Variants in CUX2 observed in about 807,000 individuals in gnomAD.
CUX2 encodes homeobox protein cut-like 2.
In CUX2, 40 loss-of-function variants were observed where a neutral mutation model predicts 144.8. The observed-to-expected ratio is 0.28, with a 90% confidence interval of 0.21 to 0.36. The LOEUF (loss-of-function observed/expected upper bound fraction) is 0.36. Among genes scored for constraint, CUX2 ranks in the 10% least tolerant of loss-of-function variants. The pLI, the probability that CUX2 is intolerant of heterozygous loss-of-function variation, is 1.00. For missense variants in CUX2, 1,615 were observed against 1,994.0 expected, an observed-to-expected ratio of 0.81 and a Z score of 3.62; for synonymous variants, 827 against 875.6, an observed-to-expected ratio of 0.94 and a Z score of 0.98.
At chr12:111,050,466 T>C (rs1228196760) in intron 1 of CUX2, among the ~76,000 whole-genome samples, 1 of 152,216 alleles carries the variant, frequency 6.6e-6, no homozygotes, top group Non-Finnish European at 1.5e-5. Flanking sequence ...TTCTTGAATG[T>C]CTGTCTCAAA....
chr12:111,348,646 G>A lies in CUX2; in HGVS notation c.*321G>A. ...TTAGAAAAATAAATAAATATTTATAGACCTCTTTTAGATATTTTAATAAAG... is the reference window on the plus strand; with the variant it reads ...TTAGAAAAATAAATAAATATTTATAAACCTCTTTTAGATATTTTAATAAAG... On this transcript the variant is annotated 3_prime_UTR_variant, in exon 22 of 22. Coordinates refer to ENST00000261726, the MANE Select transcript of CUX2 (RefSeq NM_015267.4). 1 of 250,364 alleles carries A rather than the reference G, an allele frequency of 4.0e-6. No homozygotes were observed. 15.5% of individuals were successfully genotyped at this position (250,364 alleles called of 1,614,324 possible).
At chr12:111,079,861 G>A (rs754623939) in intron 1 of CUX2, among the ~76,000 whole-genome samples, 1 of 152,114 alleles carries the variant, frequency 6.6e-6, no homozygotes. Context: ...AGCTCTCCCT[G>A]GTGACAAGCA....
At chr12:111,332,851 AT>A (rs961055222) in intron 18 of CUX2, among the ~76,000 whole-genome samples, 16 of 152,286 alleles carry the variant, frequency 1.1e-4, no homozygotes, top group African/African-American at 3.4e-4. Flanking sequence ...CACCATCTAT[AT>A]TCAGGTTTCT....
rs563783444 is a variant in CUX2, at chr12:111,310,728, C to G, written c.1900+46C>G. ...GTCCCCGCTGGCCACCACGCCAGGT[C>G]CAGGGCATCAGGGCTGGGGGCTGAG... On this transcript the variant is annotated intron_variant, in intron 15 of 21. Transcript: ENST00000261726. This position sits in a 1 kb window ranked among gnomAD's most constrained non-coding sequence, Gnocchi z 7.9. The G allele has an allele frequency of 2.6e-6, 4 of 1,542,288 alleles. No homozygotes were observed. The highest frequency in any genetic ancestry group is 4.5e-5 in the East Asian group (2 of 44,028).
intron 1 of CUX2, among the ~76,000 whole-genome samples, chr12:111,161,218 C>T (rs111647926): frequency 7.9e-5 from 12 of 152,170 alleles, no homozygotes; most frequent in African/African-American, 2.9e-4. Flanking sequence ...AGCACAGCCC[C>T]TGGGCTCTGA....
At position 111,061,856 on chromosome 12, in the gene CUX2, C is replaced by T. The variant is rs918077330; in HGVS notation, c.63+27616C>T. ...GCAGGCAGGGATGTGGGGGGCGCCT[C>T]GTGGCCAAACACCAGGCTTTAGAGT... On this transcript the variant is annotated intron_variant, in intron 1 of 21. Transcript: ENST00000261726. This position sits in a 1 kb window ranked among gnomAD's most constrained non-coding sequence, Gnocchi z 4.2. Among the ~76,000 whole-genome samples, 1 of 152,142 alleles carries T rather than the reference C, an allele frequency of 6.6e-6. No individual in the cohort carries two copies. The highest frequency in any genetic ancestry group is 6.5e-5 in the Admixed American group (1 of 15,280).
rs1886972111 is a variant in CUX2, at chr12:111,312,777, A to ACATGAACTGTTCATAGT, written c.2002+581_2002+597dup. Reference sequence around the variant, plus strand: ...GTCTTCAGGCCCCTCCATGCCTGTCACATGAACTGTTCATAGTCATGCCCA... The same window carrying ACATGAACTGTTCATAGT: ...GTCTTCAGGCCCCTCCATGCCTGTCACATGAACTGTTCATAGTCATGAACTGTTCATAGTCATGCCCA... On this transcript the variant is annotated intron_variant, in intron 16 of 21. Coordinates refer to ENST00000261726, the MANE Select transcript of CUX2 (RefSeq NM_015267.4). This position sits in a 1 kb window ranked among gnomAD's most constrained non-coding sequence, Gnocchi z 4.3. 6.6e-6 allele frequency among the ~76,000 whole-genome samples: 1 copy of ACATGAACTGTTCATAGT among 151,790 alleles called. No homozygotes were observed. Among genetic ancestry groups the ACATGAACTGTTCATAGT allele is most frequent in the Non-Finnish European group, 1.5e-5 (1 of 67,958 alleles).
intron 18 of CUX2, among the ~76,000 whole-genome samples, chr12:111,328,409 C>G (rs1277490544): frequency 6.6e-6 from 1 of 152,136 alleles, no homozygotes; most frequent in Non-Finnish European, 1.5e-5. Context: ...CAGGCGCAGC[C>G]CCGGGTATAA....
chr12:111,194,818 C>T (rs539754753), intron 1 of CUX2, among the ~76,000 whole-genome samples: 6 of 152,346 alleles, frequency 3.9e-5, no homozygotes, highest in South Asian at 2.1e-4. Context: ...AGATCCAGTT[C>T]GCGAGCAGCC....
intron 1 of CUX2, among the ~76,000 whole-genome samples, chr12:111,165,884 G>A (rs557115316): frequency 3.7e-4 from 56 of 152,328 alleles, no homozygotes; most frequent in Non-Finnish European, 6.8e-4. Context: ...ATGCCAAGAC[G>A]TATTTAAATT....
At position 111,056,665 on chromosome 12, in the gene CUX2, G is replaced by T. The variant is rs115195829; in HGVS notation, c.63+22425G>T. ...CTCTGCTGATTGGGGCAGTAACAAAGGTGGGCCCAGGTTCAAAGGGAGGAG... is the reference window on the plus strand; with the variant it reads ...CTCTGCTGATTGGGGCAGTAACAAATGTGGGCCCAGGTTCAAAGGGAGGAG... On this transcript the variant is annotated intron_variant, in intron 1 of 21. Transcript: ENST00000261726. Among the ~76,000 whole-genome samples the T allele has an allele frequency of 3.0e-3, 453 of 152,352 alleles. 5 individuals carry two copies. The highest frequency in any genetic ancestry group is 0.01 in the African/African-American group (431 of 41,574).
chr12:111,132,055 C>T (rs1875518802), intron 1 of CUX2, among the ~76,000 whole-genome samples: 1 of 152,222 alleles, frequency 6.6e-6, no homozygotes, highest in Admixed American at 6.5e-5. Flanking sequence ...TCCATGAGGG[C>T]CCCACCCCTG....
chr12:111,244,327 T>G (rs1488692466), intron 3 of CUX2, among the ~76,000 whole-genome samples: 1 of 152,182 alleles, frequency 6.6e-6, no homozygotes, highest in African/African-American at 2.4e-5. Context: ...ACCTCACCCC[T>G]AGTGGGGAAG....
Position 111,035,039 on chromosome 12 carries a change from G to C in CUX2, c.63+799G>C, listed in dbSNP as rs1445126652. Reference sequence around the variant, plus strand: ...GCGGTGGAGGTGGGCCCGGGCGCTCGCAAGTTTGCGCTCCTGCCTCCAGGG... The same window carrying C: ...GCGGTGGAGGTGGGCCCGGGCGCTCCCAAGTTTGCGCTCCTGCCTCCAGGG... On this transcript the variant is annotated intron_variant, in intron 1 of 21. Transcript: ENST00000261726. This position sits in a 1 kb window ranked among gnomAD's most constrained non-coding sequence, Gnocchi z 6.0. Among the ~76,000 whole-genome samples the C allele has an allele frequency of 6.6e-6, 1 of 152,062 alleles. No homozygotes were observed. Among genetic ancestry groups the C allele is most frequent in the Admixed American group, 6.5e-5 (1 of 15,278 alleles).
intron 3 of CUX2, among the ~76,000 whole-genome samples, chr12:111,248,237 C>G (rs919361264): frequency 4.6e-5 from 7 of 152,288 alleles, no homozygotes; most frequent in Middle Eastern, 3.4e-3. Flanking sequence ...TCTTCACACC[C>G]CAGCTGGGTC....
chr12:111,227,141 G>A (rs559593989), intron 3 of CUX2, among the ~76,000 whole-genome samples: 2 of 152,318 alleles, frequency 1.3e-5, no homozygotes, highest in South Asian at 4.1e-4. Flanking sequence ...CACCTACTAG[G>A]TGCCAGGTGT....
At chr12:111,109,958 C>G (rs1873839073) in intron 1 of CUX2, among the ~76,000 whole-genome samples, 1 of 152,178 alleles carries the variant, frequency 6.6e-6, no homozygotes, top group African/African-American at 2.4e-5. Context: ...TCACTGCATC[C>G]TCCAACTCCT....
intron 20 of CUX2, chr12:111,339,521 G>A (rs1444655682): frequency 6.6e-6 from 1 of 152,178 alleles, no homozygotes; most frequent in Non-Finnish European, 1.5e-5. Flanking sequence ...AAGATAAGCT[G>A]GCATTGTCTA....
At chr12:111,209,334 C>T (rs1177965060) in intron 1 of CUX2, among the ~76,000 whole-genome samples, 5 of 152,186 alleles carry the variant, frequency 3.3e-5, no homozygotes, top group African/African-American at 9.6e-5. Context: ...GTGAAGGCTG[C>T]GGTGAGCTGT....
Sources: allele counts gnomAD v4.1 joint callset (sites outside exome capture counted in the v4.1 genomes callset), GRCh38; gene constraint gnomAD v4.1.1; non-coding constraint Gnocchi (gnomAD v3.1); transcripts MANE v1.5; gene names NCBI Gene and HGNC (gene_info 2026-07-23, HGNC 2026-07-21).